Variants in ICE1 observed in about 807,000 individuals in gnomAD.
ICE1 encodes little elongation complex subunit 1.
In ICE1, 64 loss-of-function variants were observed where a neutral mutation model predicts 192.7. The ratio of observed to expected loss-of-function variants is 0.33; its 90% CI spans 0.27 to 0.41. The LOEUF is 0.41. Among genes scored for constraint, ICE1 ranks in the 10% least tolerant of loss-of-function variants. The pLI, the probability that ICE1 is intolerant of heterozygous loss-of-function variation, is 1.00. For synonymous variants in ICE1, 1,010 were observed against 984.5 expected, an observed-to-expected ratio of 1.03 and a Z score of -0.49; for missense variants, 2,708 against 2,696.0, an observed-to-expected ratio of 1.00 and a Z score of -0.10.
At chr5:5,437,466 A>G (rs965260410) in intron 3 of ICE1, 4 of 194,122 alleles carry the variant, frequency 2.1e-5, no homozygotes, top group Non-Finnish European at 4.2e-5. Flanking sequence ...GTTATTTTTG[A>G]ATCTGCAAGA....
chr5:5,444,852 C>T (rs980717252), intron 7 of ICE1, among the ~76,000 whole-genome samples: 50 of 152,296 alleles, frequency 3.3e-4, no homozygotes, highest in African/African-American at 1.1e-3. Flanking sequence ...GGTACGAGTG[C>T]AGAGGGACCA....
At chr5:5,424,915 G>A (rs1255825302) in intron 1 of ICE1, among the ~76,000 whole-genome samples, 2 of 152,186 alleles carry the variant, frequency 1.3e-5, no homozygotes, top group Non-Finnish European at 2.9e-5. Flanking sequence ...GATTGTGTGG[G>A]CTCCTGTAGA....
rs776882941 is a variant in ICE1, at chr5:5,461,401, A to G, written c.2067A>G (p.Pro689=). Residue 689 remains proline (P), a synonymous_variant, in exon 13 of 19, where the codon CCA becomes CCG. Coordinates refer to ENST00000296564, the MANE Select transcript of ICE1 (RefSeq NM_015325.3). ...TLNTLHLQSE[P]PECSIGGNNL... is the part of the protein sequence containing the mutation. ...ACACATTACATCTGCAGTCTGAGCC[A>G]CCGGAGTGTTCTATAGGAGGAAACA... is the stretch of plus-strand genomic sequence containing the variant. 1.2e-6 allele frequency: 2 copies of G among 1,614,016 alleles called. No homozygotes were observed. Among genetic ancestry groups the G allele is most frequent in the South Asian group, 1.1e-5 (1 of 91,086 alleles).
intron 12 of ICE1, among the ~76,000 whole-genome samples, chr5:5,458,317 T>C (rs1256165907): frequency 6.6e-6 from 1 of 152,248 alleles, no homozygotes; most frequent in Non-Finnish European, 1.5e-5. Flanking sequence ...GTGCCTGTTA[T>C]GTTCCAGGGA....
chr5:5,447,593 G>C lies in ICE1; in HGVS notation c.507+84G>C, dbSNP rs532474344. 3.9e-5 allele frequency: 52 copies of C among 1,326,298 alleles called. No homozygotes were observed. In the East Asian group the frequency reaches 1.0e-3, roughly 26 times the overall value. The allele number at this position is 1,326,298 out of a possible 1,614,324, so 82.2% of individuals were successfully genotyped here. A position where few individuals can be genotyped will look rare whatever the true frequency, so the allele number is the denominator to read the frequency against. On this transcript the variant is annotated intron_variant, in intron 8 of 18. Transcript: ENST00000296564. ...TGTCTCTGTGTTGTAACTCACGTAG[G>C]AGTCAACATGAGGCCCCCTGGCAAA... is the stretch of plus-strand genomic sequence containing the variant.
chr5:5,426,736 A>G (rs959991737), intron 1 of ICE1, among the ~76,000 whole-genome samples: 12 of 152,256 alleles, frequency 7.9e-5, no homozygotes, highest in African/African-American at 2.7e-4. Context: ...AAGATCGGAA[A>G]GAATGAGAAT....
chr5:5,451,837 A>T (rs1448387484), intron 10 of ICE1, among the ~76,000 whole-genome samples: 1 of 152,160 alleles, frequency 6.6e-6, no homozygotes, highest in Non-Finnish European at 1.5e-5. Flanking sequence ...GGCTAGCATA[A>T]TGCTGTACCA....
chr5:5,438,967 T>A (rs1054480205), intron 3 of ICE1, among the ~76,000 whole-genome samples: 1 of 152,204 alleles, frequency 6.6e-6, no homozygotes, highest in African/African-American at 2.4e-5. Context: ...TGTCACAGAT[T>A]TAACATGGCT....
chr5:5,465,352 C>T, intron 13 of ICE1, 126 bp downstream of exon 13: 1 of 640,544 alleles, frequency 1.6e-6, no homozygotes, highest in Non-Finnish European at 2.7e-6. Context: ...GAGAGTTATC[C>T]ATGTAAACAT....
At position 5,440,336 on chromosome 5, in the gene ICE1, C is replaced by T. The variant is rs563689970; in HGVS notation, c.197+423C>T. 7.2e-5 allele frequency among the ~76,000 whole-genome samples: 11 copies of T among 152,214 alleles called. No individual in the cohort carries two copies. In the East Asian group the frequency reaches 7.7e-4, roughly 11 times the overall value. On this transcript the variant is annotated intron_variant, in intron 4 of 18. Coordinates refer to ENST00000296564, the MANE Select transcript of ICE1 (RefSeq NM_015325.3). ...ATTGGATTCATCACCCAGATGAAGG[C>T]GAAACGTGGTTATAAACTAAGCCAT...
intron 15 of ICE1, among the ~76,000 whole-genome samples, chr5:5,471,537 A>G (rs1418016447): frequency 6.6e-6 from 1 of 152,180 alleles, no homozygotes; most frequent in Non-Finnish European, 1.5e-5. Flanking sequence ...AGATGTAAAA[A>G]GTGTCACTAA....
chr5:5,488,411 CAGTG>C (rs1739685353), intron 18 of ICE1, among the ~76,000 whole-genome samples: 1 of 152,182 alleles, frequency 6.6e-6, no homozygotes, highest in Non-Finnish European at 1.5e-5. Context: ...CAGAATGCTC[CAGTG>C]AGTATTTCCT....
intron 1 of ICE1, among the ~76,000 whole-genome samples, chr5:5,428,530 T>C (rs553233862): frequency 6.6e-6 from 1 of 152,348 alleles, no homozygotes; most frequent in East Asian, 1.9e-4. Flanking sequence ...ATAACCCTGA[T>C]GTTCTCAAAT....
In ICE1 at chr5:5,462,517, T is replaced by C; in HGVS notation, c.3183T>C (p.Pro1061=). The C allele has an allele frequency of 1.2e-6, 2 of 1,614,012 alleles. No individual in the cohort carries two copies. Among genetic ancestry groups the C allele is most frequent in the Non-Finnish European group, 1.7e-6 (2 of 1,179,892 alleles). The change falls in exon 13 of 19, where the codon CCT becomes CCC. Residue 1061 remains proline, a synonymous_variant. Coordinates refer to ENST00000296564, the MANE Select transcript of ICE1 (RefSeq NM_015325.3). The part of the protein sequence containing the change: ...LKSTTPGGAL[P]ECFGTTDTTF... ...CTACAACTCCCGGTGGTGCTTTGCC[T>C]GAGTGTTTTGGCACCACAGACACTA...
intron 17 of ICE1, among the ~76,000 whole-genome samples, chr5:5,478,982 A>G (rs1579579300): frequency 6.6e-6 from 1 of 152,214 alleles, no homozygotes; most frequent in African/African-American, 2.4e-5. Flanking sequence ...TAAAACCCAA[A>G]ACCATAAAAA....
intron 18 of ICE1, among the ~76,000 whole-genome samples, chr5:5,487,506 G>A (rs923680249): frequency 1.3e-5 from 2 of 152,154 alleles, no homozygotes; most frequent in African/African-American, 4.8e-5. Context: ...ATGGTAGGTT[G>A]TCTTCAGCTT....
intron 13 of ICE1, 90 bp downstream of exon 13, chr5:5,465,316 A>G (rs2111387546): frequency 5.7e-6 from 5 of 878,468 alleles, no homozygotes; most frequent in Middle Eastern, 2.3e-4. Flanking sequence ...GTAGATGACC[A>G]TGAACAAAAG....
At chr5:5,444,245 A>G (rs765174390) in intron 6 of ICE1, 44 bp from the exon 7 acceptor site, 10 of 1,343,890 alleles carry the variant, frequency 7.4e-6, no homozygotes, top group South Asian at 3.9e-5. Context: ...ATTTTTTCCT[A>G]TTCTCTCTTT....
At chr5:5,446,505 G>A (rs1367352430) in intron 7 of ICE1, among the ~76,000 whole-genome samples, 1 of 151,938 alleles carries the variant, frequency 6.6e-6, no homozygotes, top group Non-Finnish European at 1.5e-5. Flanking sequence ...TGCCCAGGCT[G>A]GTCTTGAACT....
Sources: gnomAD v4.1 joint callset for allele counts (sites outside exome capture counted in the v4.1 genomes callset) on GRCh38, gnomAD v4.1.1 for gene constraint, MANE v1.5 for transcripts, NCBI Gene and HGNC (gene_info 2026-07-23, HGNC 2026-07-21) for gene names.